TAFA1: variants seen among roughly 807,000 people sequenced by gnomAD.
TAFA1 encodes TAFA chemokine like family member 1.
A neutral mutation model predicts 18.5 loss-of-function variants in TAFA1; 4 were observed. The observed-to-expected ratio is 0.22, with a 90% CI of 0.11 to 0.49. TAFA1 has a LOEUF of 0.49. TAFA1 is among the 20% of genes least tolerant of loss of function. The pLI is 0.98. For synonymous variants in TAFA1, 56 were observed against 55.2 expected, an observed-to-expected ratio of 1.01 and a Z score of -0.06; for missense variants, 147 against 169.0, an observed-to-expected ratio of 0.87 and a Z score of 0.72.
In TAFA1 at chr3:68,539,150, A is replaced by C. The variant is rs371450576; in HGVS notation, c.384+270A>C. On this transcript the variant is annotated intron_variant, in intron 4 of 4. Coordinates refer to ENST00000478136, the MANE Select transcript of TAFA1 (RefSeq NM_213609.4). ...CCAGAGTGGAGAGGAATCATGAGGT[A>C]ATTATTCGGATAATTCATCCAACAT... Among the ~76,000 whole-genome samples the C allele has an allele frequency of 3.9e-5, 6 of 152,322 alleles. No homozygotes were observed. In the East Asian group the frequency reaches 7.7e-4, roughly 20 times the overall value.
chr3:68,255,326 T>G (rs908441117), intron 2 of TAFA1, among the ~76,000 whole-genome samples: 3 of 152,162 alleles, frequency 2.0e-5, no homozygotes, highest in African/African-American at 7.2e-5. Context: ...TTGTGTTCAA[T>G]TTAGAAAAAC....
chr3:68,498,541 G>C (rs1258752652), intron 3 of TAFA1, among the ~76,000 whole-genome samples: 1 of 151,906 alleles, frequency 6.6e-6, no homozygotes, highest in African/African-American at 2.4e-5. Context: ...ATTATTTTAA[G>C]GAAAAAAGAC....
intron 3 of TAFA1, among the ~76,000 whole-genome samples, chr3:68,448,733 A>G (rs1194767014): frequency 2.0e-5 from 3 of 152,240 alleles, no homozygotes; most frequent in Non-Finnish European, 4.4e-5. Context: ...CAGTAGAAAG[A>G]AATTTAATAA....
At chr3:68,296,802 C>T (rs1212074132) in intron 2 of TAFA1, among the ~76,000 whole-genome samples, 1 of 152,144 alleles carries the variant, frequency 6.6e-6, no homozygotes, top group Non-Finnish European at 1.5e-5. Flanking sequence ...ATGGCTGCTA[C>T]CCTTAACGAG....
chr3:68,099,602 A>C (rs952862031), intron 2 of TAFA1, among the ~76,000 whole-genome samples: 2 of 152,194 alleles, frequency 1.3e-5, no homozygotes, highest in African/African-American at 4.8e-5. Flanking sequence ...TTCTCAAAGA[A>C]CTAAAAACAG....
chr3:68,500,659 G>A (rs1369884523), intron 3 of TAFA1, among the ~76,000 whole-genome samples: 2 of 151,896 alleles, frequency 1.3e-5, no homozygotes, highest in African/African-American at 4.8e-5. Flanking sequence ...CTGTGACAAT[G>A]AGTATGTGAC....
At chr3:68,284,741 G>A (rs926179576) in intron 2 of TAFA1, among the ~76,000 whole-genome samples, 7 of 151,724 alleles carry the variant, frequency 4.6e-5, no homozygotes, top group Non-Finnish European at 7.4e-5. Context: ...TATCCTGGGC[G>A]ACATAGTGAG....
Position 68,538,971 on chromosome 3 carries a change from A to T in TAFA1, c.384+91A>T. 8 of 1,353,146 alleles carry T rather than the reference A, an allele frequency of 5.9e-6. No individual in the cohort carries two copies. The South Asian group carries it at 1.1e-4, about 18-fold the overall frequency. The allele number at this position is 1,353,146 out of a possible 1,614,324, so 83.8% of individuals were successfully genotyped here. The stretch of plus-strand genomic sequence containing the variant: ...CAAACAGCATCCACAGAAGCTTTGC[A>T]CAGGAGAGAAGATTCTCCACTGACA... On this transcript the variant is annotated intron_variant, in intron 4 of 4. Transcript: ENST00000478136.
intron 3 of TAFA1, among the ~76,000 whole-genome samples, chr3:68,425,702 G>A (rs2071039309): frequency 6.6e-6 from 1 of 151,962 alleles, no homozygotes; most frequent in Admixed American, 6.6e-5. Context: ...AAGACAGCTG[G>A]AATTCAGTCA....
intron 3 of TAFA1, among the ~76,000 whole-genome samples, chr3:68,455,095 A>G (rs997662979): frequency 6.6e-6 from 1 of 152,198 alleles, no homozygotes. Context: ...AAACTAGAGA[A>G]AAGAAAATAT....
intron 2 of TAFA1, among the ~76,000 whole-genome samples, chr3:68,031,809 C>G (rs1704940473): frequency 2.0e-5 from 3 of 152,206 alleles, no homozygotes; most frequent in African/African-American, 7.2e-5. Context: ...TGACTTCTAT[C>G]TTCTATTATT....
chr3:68,531,853 C>A (rs1004255970), intron 3 of TAFA1, among the ~76,000 whole-genome samples: 1 of 152,142 alleles, frequency 6.6e-6, no homozygotes, highest in Non-Finnish European at 1.5e-5. Flanking sequence ...TCATGTCAAC[C>A]TAACTACCTG....
At chr3:68,296,493 A>C (rs1282321134) in intron 2 of TAFA1, among the ~76,000 whole-genome samples, 1 of 152,210 alleles carries the variant, frequency 6.6e-6, no homozygotes, top group Non-Finnish European at 1.5e-5. Context: ...GAAAGATAGA[A>C]TCAACTTAAT....
chr3:68,330,709 T>G lies in TAFA1; in HGVS notation c.119-86571T>G, dbSNP rs147386033. 4.1e-4 allele frequency among the ~76,000 whole-genome samples: 63 copies of G among 152,320 alleles called. 1 individual carries two copies. In the East Asian group the frequency reaches 0.011, roughly 27 times the overall value. On this transcript the variant is annotated intron_variant, in intron 2 of 4. Coordinates refer to ENST00000478136, the MANE Select transcript of TAFA1 (RefSeq NM_213609.4). ...GAACTGGGATTGGAATCAGATATAATAAACTACTAAGCTTCATGACTGTGT... is the reference window on the plus strand; with the variant it reads ...GAACTGGGATTGGAATCAGATATAAGAAACTACTAAGCTTCATGACTGTGT...
chr3:68,126,337 GAGA>G (rs1245909017), intron 2 of TAFA1, among the ~76,000 whole-genome samples: 2 of 152,180 alleles, frequency 1.3e-5, no homozygotes, highest in Non-Finnish European at 2.9e-5. Flanking sequence ...ACTTGATAAT[GAGA>G]AGATCAGTAG....
At chr3:68,269,507 G>A (rs2067619416) in intron 2 of TAFA1, among the ~76,000 whole-genome samples, 1 of 152,148 alleles carries the variant, frequency 6.6e-6, no homozygotes, top group Admixed American at 6.6e-5. Context: ...GTAGGTCTGA[G>A]GTGAGACCTG....
intron 3 of TAFA1, among the ~76,000 whole-genome samples, chr3:68,505,383 C>T (rs959369693): frequency 1.3e-5 from 2 of 152,104 alleles, no homozygotes; most frequent in Non-Finnish European, 2.9e-5. Flanking sequence ...GTTTAAGGGT[C>T]ACATTTTAAA....
intron 2 of TAFA1, among the ~76,000 whole-genome samples, chr3:68,201,851 G>GT (rs917570552): frequency 7.3e-5 from 11 of 151,702 alleles, no homozygotes; most frequent in African/African-American, 2.4e-4. Context: ...CTGTGTAAAA[G>GT]TTTTTTGTGC....
rs1267258398 is a variant in TAFA1 at position 68,146,619 on chromosome 3, G to T, written c.118+139875G>T. Among the ~76,000 whole-genome samples, 5 of 152,122 alleles carry T rather than the reference G, an allele frequency of 3.3e-5. No individual in the cohort carries two copies. The South Asian group carries it at 8.3e-4, about 25-fold the overall frequency. ...TTTTTTAAAAAACATGTTTCTTATGGTTTACTCTAGAATTCCCCTTAAGTA... is the reference window on the plus strand; with the variant it reads ...TTTTTTAAAAAACATGTTTCTTATGTTTTACTCTAGAATTCCCCTTAAGTA... On this transcript the variant is annotated intron_variant, in intron 2 of 4. Coordinates refer to ENST00000478136, the MANE Select transcript of TAFA1 (RefSeq NM_213609.4).
Sources: gnomAD v4.1 joint callset for allele counts (sites outside exome capture counted in the v4.1 genomes callset) on GRCh38, gnomAD v4.1.1 for gene constraint, MANE v1.5 for transcripts, NCBI Gene and HGNC (gene_info 2026-07-23, HGNC 2026-07-21) for gene names.